Variants in PCDHGA4 observed in about 807,000 individuals in gnomAD.
PCDHGA4 encodes the protein protocadherin gamma subfamily A, 4, also known as protocadherin gamma-A4.
Under a neutral mutation model 54.6 loss-of-function variants are expected in PCDHGA4, and 38 were observed. That is an observed-to-expected ratio of 0.70 (90% CI 0.54 to 0.91). The LOEUF (loss-of-function observed/expected upper bound fraction) is 0.91, where lower values mean the gene tolerates loss of function less well. Among genes scored for constraint, PCDHGA4 ranks in the 40% least tolerant of loss-of-function variants. The pLI, the probability that PCDHGA4 is intolerant of heterozygous loss-of-function variation, is 0.00. For missense variants in PCDHGA4, 1,298 were observed against 1,220.9 expected (o/e 1.06, Z -0.94); for synonymous variants, 511 against 512.9 (o/e 1.00, Z 0.05).
At chr5:141,389,388 T>C (rs375763465) in intron 1 of PCDHGA4, 34 of 1,613,602 alleles carry the variant, frequency 2.1e-5, no homozygotes, top group Non-Finnish European at 2.6e-5. Context: ...GCTGTCATCC[T>C]ACGTGTCCAT....
intron 1 of PCDHGA4, chr5:141,410,998 T>C: frequency 5.8e-6 from 1 of 173,396 alleles, no homozygotes; most frequent in South Asian, 1.4e-4. Context: ...GGATTACTGG[T>C]GCCCCTCACC....
At chr5:141,369,961 C>G (rs1766581774) in intron 1 of PCDHGA4, among the ~76,000 whole-genome samples, 1 of 152,090 alleles carries the variant, frequency 6.6e-6, no homozygotes, top group African/African-American at 2.4e-5. Flanking sequence ...TGCCCTTTGA[C>G]AAGTAAAAGG....
intron 1 of PCDHGA4, chr5:141,422,195 A>G: frequency 6.4e-7 from 1 of 1,562,278 alleles, no homozygotes; most frequent in African/African-American, 1.4e-5. Flanking sequence ...ATTCAAGGCC[A>G]AGATGGTGGA....
chr5:141,371,814 G>C (rs1020682392), intron 1 of PCDHGA4: 4 of 1,613,892 alleles, frequency 2.5e-6, no homozygotes, highest in Middle Eastern at 1.6e-4. Context: ...CATTGCGCAT[G>C]TCAGAGCCTC....
chr5:141,477,010 C>G lies in PCDHGA4; in HGVS notation c.2515-17797C>G. On this transcript the variant is annotated intron_variant, in intron 1 of 3. Coordinates refer to ENST00000571252, the MANE Select transcript of PCDHGA4 (RefSeq NM_018917.4). This position sits in a 1 kb window ranked among gnomAD's most constrained non-coding sequence, Gnocchi z 4.9. ...GCGTGCGGCAACTATTCGCCTTAGA[C>G]CTTGTAACCGGGATGCTGACAATCA... 4 of 1,614,260 alleles carry G rather than the reference C, an allele frequency of 2.5e-6. No homozygotes were observed. Among genetic ancestry groups the G allele is most frequent in the Non-Finnish European group, 2.5e-6 (3 of 1,180,052 alleles).
Position 141,490,970 on chromosome 5 carries a change from A to G in PCDHGA4, c.2515-3837A>G. ...CCAGACTGGGAACACTCAGCCCCCC[A>G]GCGTCTCCCTCGCTCTGCTCCTCCT... On this transcript the variant is annotated intron_variant, in intron 1 of 3. Coordinates refer to ENST00000571252, the MANE Select transcript of PCDHGA4 (RefSeq NM_018917.4). This position sits in a 1 kb window ranked among gnomAD's most constrained non-coding sequence, Gnocchi z 5.4. 1 of 1,613,858 alleles carries G rather than the reference A, an allele frequency of 6.2e-7. No individual in the cohort carries two copies. Among genetic ancestry groups the G allele is most frequent in the South Asian group, 1.1e-5 (1 of 91,062 alleles).
intron 1 of PCDHGA4, chr5:141,357,869 A>G: frequency 3.5e-6 from 2 of 565,622 alleles, no homozygotes; most frequent in South Asian, 4.5e-5. Context: ...CTAATTTTAC[A>G]ACTCTGAGCC....
At chr5:141,385,354 G>A (rs1781142945) in intron 1 of PCDHGA4, 1 of 1,550,398 alleles carries the variant, frequency 6.4e-7, no homozygotes, top group South Asian at 1.2e-5. Context: ...ATTTCCATGA[G>A]GAATTTATTT....
At chr5:141,421,030 G>C (rs989158485) in intron 1 of PCDHGA4, 2 of 532,352 alleles carry the variant, frequency 3.8e-6, no homozygotes, top group African/African-American at 3.9e-5. Context: ...GCGCCATTGA[G>C]TCCCTCCCTC....
chr5:141,449,688 T>G (rs951233495), intron 1 of PCDHGA4, among the ~76,000 whole-genome samples: 2 of 151,772 alleles, frequency 1.3e-5, no homozygotes, highest in African/African-American at 4.8e-5. Context: ...TATGTTTGTG[T>G]GTATGTACAC....
chr5:141,363,164 T>A (rs113012267), intron 1 of PCDHGA4, among the ~76,000 whole-genome samples: 2 of 152,380 alleles, frequency 1.3e-5, no homozygotes, highest in South Asian at 2.1e-4. Context: ...AATCATTCTC[T>A]AACATGCATT....
rs2099416627 is a variant in PCDHGA4 at position 141,477,726 on chromosome 5, C to T, written c.2515-17081C>T. 6.2e-7 allele frequency: 1 copy of T among 1,613,822 alleles called. No homozygotes were observed. The highest frequency in any genetic ancestry group is 8.5e-7 in the Non-Finnish European group (1 of 1,180,020). ...GATCGGCGGGAATTTGAATTAACAG[C>T]TCATATCAGCGATGGGGGCACCCCG... On this transcript the variant is annotated intron_variant, in intron 1 of 3. Coordinates refer to ENST00000571252, the MANE Select transcript of PCDHGA4 (RefSeq NM_018917.4). This position sits in a 1 kb window ranked among gnomAD's most constrained non-coding sequence, Gnocchi z 4.9.
intron 3 of PCDHGA4, among the ~76,000 whole-genome samples, chr5:141,508,792 CT>C (rs1475631459): frequency 6.6e-6 from 1 of 152,130 alleles, no homozygotes; most frequent in Non-Finnish European, 1.5e-5. Flanking sequence ...CTAAATCACT[CT>C]GGAATCCTGG....
intron 1 of PCDHGA4, chr5:141,395,376 T>G (rs1589259426): frequency 1.7e-6 from 2 of 1,180,196 alleles, no homozygotes; most frequent in East Asian, 5.2e-5. Flanking sequence ...TTTGGTGGTG[T>G]TACTATAAAA....
chr5:141,455,759 A>G (rs1013283124), intron 1 of PCDHGA4, among the ~76,000 whole-genome samples: 4 of 152,300 alleles, frequency 2.6e-5, no homozygotes, highest in South Asian at 4.1e-4. Context: ...CCTGGCTCCT[A>G]GAGCCGGGGC....
At chr5:141,413,763 G>A (rs964376306) in intron 1 of PCDHGA4, 6 of 1,612,814 alleles carry the variant, frequency 3.7e-6, no homozygotes, top group Non-Finnish European at 5.1e-6. Context: ...TCAAGTACCC[G>A]GAGCTGGTAC....
intron 1 of PCDHGA4, chr5:141,388,978 C>G: frequency 6.2e-7 from 1 of 1,613,972 alleles, no homozygotes; most frequent in Non-Finnish European, 8.5e-7. Flanking sequence ...ACACATATTG[C>G]TTTGCTCAAA....
chr5:141,388,774 G>T, intron 1 of PCDHGA4: 1 of 1,613,878 alleles, frequency 6.2e-7, no homozygotes, highest in Non-Finnish European at 8.5e-7. Context: ...TCTAACACCG[G>T]GGAAATTACT....
intron 1 of PCDHGA4, among the ~76,000 whole-genome samples, chr5:141,457,687 G>A (rs2098927754): frequency 6.6e-6 from 1 of 152,198 alleles, no homozygotes; most frequent in Admixed American, 6.5e-5. Context: ...TAGGACTTTT[G>A]GATTGGCTTT....
Sources: allele counts gnomAD v4.1 joint callset (sites outside exome capture counted in the v4.1 genomes callset), GRCh38; gene constraint gnomAD v4.1.1; non-coding constraint Gnocchi (gnomAD v3.1); transcripts MANE v1.5; gene names NCBI Gene and HGNC (gene_info 2026-07-23, HGNC 2026-07-21).